The following COPRS variants were observed in gnomAD, a reference collection of about 807,000 sequenced individuals.
COPRS encodes coordinator of PRMT5 and differentiation stimulator.
A neutral mutation model predicts 19.9 loss-of-function variants in COPRS; 11 were observed. The ratio of observed to expected loss-of-function variants is 0.55; its 90% CI spans 0.35 to 0.92. COPRS has a LOEUF of 0.92. Ranked by LOEUF, COPRS falls within the 40% of genes least tolerant of loss-of-function variation. The probability of loss-of-function intolerance (pLI) is 0.01; values close to 1 mark genes in which losing one functional copy is unlikely to be tolerated. For synonymous variants in COPRS, 81 were observed against 82.7 expected (o/e 0.98, Z 0.11); for missense variants, 225 against 229.9 (o/e 0.98, Z 0.14).
intron 2 of COPRS, among the ~76,000 whole-genome samples, chr17:31,855,101 C>T (rs549543400): frequency 6.6e-6 from 1 of 152,226 alleles, no homozygotes; most frequent in South Asian, 2.1e-4. Context: ...AAAGGCCAGG[C>T]ACGGTGGCTC....
In COPRS at chr17:31,855,325, G is replaced by A. The variant is rs574070406; in HGVS notation, c.166+1474C>T. The stretch of plus-strand genomic sequence containing the variant: ...AGGAGATCGAGACCATCCTAACAAG[G>A]TAAAATCCTATCTCTACTAAAAACA... On this transcript the variant is annotated intron_variant, in intron 2 of 3. Transcript: ENST00000302362. Among the ~76,000 whole-genome samples the A allele has an allele frequency of 3.9e-5, 6 of 152,148 alleles. No individual in the cohort carries two copies. In the South Asian group the frequency reaches 1.0e-3, roughly 26 times the overall value.
In COPRS at chr17:31,856,712, C is replaced by CTAAAAGAGAAGG. The variant is rs1909366325; in HGVS notation, c.166+75_166+86dup. 4.5e-6 allele frequency: 4 copies of CTAAAAGAGAAGG among 881,786 alleles called. No individual in the cohort carries two copies. The East Asian group carries it at 9.7e-5, about 21-fold the overall frequency. 54.6% of individuals were successfully genotyped at this position (881,786 alleles called of 1,614,324 possible). A position where few individuals can be genotyped will look rare whatever the true frequency, so the allele number is the denominator to read the frequency against. ...GCCACTAAGCAGCAGAGAGGACTGG[C>CTAAAAGAGAAGG]TAAAAGAGAAGGTAAATGAGACAGA... is the stretch of plus-strand genomic sequence containing the variant. On this transcript the variant is annotated intron_variant, in intron 2 of 3. Transcript: ENST00000302362.
Position 31,859,228 on chromosome 17 carries a change from GA to G in COPRS, c.-30del, listed in dbSNP as rs1311154318. On this transcript the variant is annotated 5_prime_UTR_variant, in exon 1 of 4. Coordinates refer to ENST00000302362, the MANE Select transcript of COPRS (RefSeq NM_018405.4). The stretch of plus-strand genomic sequence containing the variant: ...CTGCGGCCCGCGGCTGGTCGCCCTG[GA>G]CGCCGTGGGCCACGTGACGCGCCGG... 1.0e-6 allele frequency: 1 copy of G among 972,470 alleles called. No individual in the cohort carries two copies. Among genetic ancestry groups the G allele is most frequent in the African/African-American group, 1.7e-5 (1 of 57,342 alleles). The allele number at this position is 972,470 out of a possible 1,614,324, so 60.2% of individuals were successfully genotyped here. A position where few individuals can be genotyped will look rare whatever the true frequency, so the allele number is the denominator to read the frequency against.
rs968019410 is a variant in COPRS at position 31,858,632 on chromosome 17, T to C, written c.99+469A>G. On this transcript the variant is annotated intron_variant, in intron 1 of 3. Transcript: ENST00000302362. ...AACCCTGCGTCAAACAGGGCCTTTC[T>C]GGTTTCAGTAAGGAGAAGGGGGAGC... 3.6e-6 allele frequency: 4 copies of C among 1,124,010 alleles called. No homozygotes were observed. In the African/African-American group the frequency reaches 4.8e-5, roughly 13 times the overall value. 69.6% of individuals were successfully genotyped at this position (1,124,010 alleles called of 1,614,324 possible).
At chr17:31,853,690 T>C (rs74391821) in intron 2 of COPRS, among the ~76,000 whole-genome samples, 32,271 of 152,108 alleles carry the variant, frequency 0.21, 3,793 homozygotes, top group African/African-American at 0.31. Flanking sequence ...GTTTTTGCTC[T>C]TTTATTCCTC....
chr17:31,858,834 A>G (rs1445711547), intron 1 of COPRS: 4 of 1,548,694 alleles, frequency 2.6e-6, no homozygotes, highest in African/African-American at 2.7e-5. Context: ...CCAAATCCGC[A>G]GCGGCGCCCA....
chr17:31,855,455 C>T (rs1413910574), intron 2 of COPRS, among the ~76,000 whole-genome samples: 2 of 151,712 alleles, frequency 1.3e-5, no homozygotes, highest in Non-Finnish European at 2.9e-5. Flanking sequence ...TGCAGTGAGC[C>T]GAGATAGTGC....
chr17:31,852,793 C>A lies in COPRS; in HGVS notation c.385+19G>T, dbSNP rs771213810. 1.9e-6 allele frequency: 3 copies of A among 1,589,362 alleles called. No individual in the cohort carries two copies. The African/African-American group carries it at 4.0e-5, about 21-fold the overall frequency. On this transcript the variant is annotated intron_variant, in intron 3 of 3. Coordinates refer to ENST00000302362, the MANE Select transcript of COPRS (RefSeq NM_018405.4). ...TCTGAGAAGGCCTAGTTCAGGACCC[C>A]CAGAGACTCCACACCTACCATATGG...
intron 2 of COPRS, among the ~76,000 whole-genome samples, chr17:31,856,029 G>C (rs1273019559): frequency 6.7e-6 from 1 of 150,070 alleles, no homozygotes; most frequent in Admixed American, 6.6e-5. Flanking sequence ...GCTGGGCACA[G>C]TGGCTCATGC....
intron 3 of COPRS, 125 bp from the exon 4 acceptor site, chr17:31,852,433 A>C: frequency 1.5e-6 from 1 of 689,026 alleles, no homozygotes; most frequent in Middle Eastern, 3.0e-4. Flanking sequence ...AAAAACACAC[A>C]CAGTTCTCCT....
chr17:31,858,716 C>CACAGGTCTGTAAAGTCA (rs1459238206), intron 1 of COPRS: 181 of 1,536,400 alleles, frequency 1.2e-4, no homozygotes, highest in Non-Finnish European at 1.5e-4. Flanking sequence ...GACAGAGGTC[C>CACAGGTCTGTAAAGTCA]ACAGGTCTGT....
chr17:31,856,673 A>G (rs1283244044), intron 2 of COPRS, 126 bp downstream of exon 2: 1 of 743,068 alleles, frequency 1.3e-6, no homozygotes, highest in Non-Finnish European at 2.4e-6. Context: ...TTACTGTTCA[A>G]CTGGGCAGAG....
Position 31,852,217 on chromosome 17 carries a change from C to G in COPRS, c.477G>C (p.Trp159Cys), listed in dbSNP as rs756825054. The change falls in exon 4 of 4, where the codon TGG becomes TGC. Residue 159 changes from tryptophan to cysteine, a missense_variant. Around this residue, in one of 3 missense-constraint regions of COPRS, gnomAD observed 170 missense variants for 171.4 expected, o/e 0.99. Coordinates refer to ENST00000302362, the MANE Select transcript of COPRS (RefSeq NM_018405.4). ...AGGGTATCAGTGGAGGCGGATGGTG[C>G]CAGCTGGGGTCATAGATCATGTCTC... is the stretch of plus-strand genomic sequence containing the variant. Reference protein sequence around the residue: ...PQGDMIYDPSWHHPPPLIPYY... With the variant: ...PQGDMIYDPSCHHPPPLIPYY... 14 of 1,613,910 alleles carry G rather than the reference C, an allele frequency of 8.7e-6. 1 individual carries two copies. The South Asian group carries it at 1.5e-4, about 18-fold the overall frequency.
At chr17:31,854,650 T>C (rs543525089) in intron 2 of COPRS, among the ~76,000 whole-genome samples, 1 of 152,356 alleles carries the variant, frequency 6.6e-6, no homozygotes, top group African/African-American at 2.4e-5. Flanking sequence ...GCAGTGCTGA[T>C]ACATGCTACG....
At chr17:31,854,042 T>C (rs372091300) in intron 2 of COPRS, among the ~76,000 whole-genome samples, 5 of 152,172 alleles carry the variant, frequency 3.3e-5, no homozygotes, top group South Asian at 2.1e-4. Flanking sequence ...AGCCAGACTG[T>C]CTGATTTCAA....
At chr17:31,856,649 G>T (rs1464822677) in intron 2 of COPRS, 150 bp downstream of exon 2, 2 of 704,530 alleles carry the variant, frequency 2.8e-6, no homozygotes, top group Non-Finnish European at 5.0e-6. Context: ...TCCAAGCAAG[G>T]CTTCCAAAGG....
intron 1 of COPRS, 190 bp downstream of exon 1, chr17:31,858,911 A>G (rs1909445965): frequency 4.7e-6 from 7 of 1,490,956 alleles, no homozygotes; most frequent in Non-Finnish European, 6.2e-6. Context: ...CCCGCCCCGC[A>G]GCCCCGCGGC....
chr17:31,854,046 A>G (rs902437216), intron 2 of COPRS, among the ~76,000 whole-genome samples: 3 of 152,084 alleles, frequency 2.0e-5, no homozygotes, highest in African/African-American at 7.2e-5. Flanking sequence ...AGACTGTCTG[A>G]TTTCAAATCC....
intron 2 of COPRS, among the ~76,000 whole-genome samples, chr17:31,855,084 GA>G (rs1283571705): frequency 6.6e-6 from 1 of 151,024 alleles, no homozygotes; most frequent in African/African-American, 2.4e-5. Context: ...AGAGTTAAAA[GA>G]AAAAAAAAGG....
Sources: gnomAD v4.1 joint callset for allele counts (sites outside exome capture counted in the v4.1 genomes callset) on GRCh38, gnomAD v4.1.1 for gene constraint, gnomAD v4.1.1 regional missense constraint, MANE v1.5 for transcripts, NCBI Gene and HGNC (gene_info 2026-07-23, HGNC 2026-07-21) for gene names.